The following LHPP variants were observed in gnomAD, a reference collection of about 807,000 sequenced individuals.
LHPP encodes the protein hLHPP.
Under a neutral mutation model 30.3 loss-of-function variants are expected in LHPP, and 24 were observed. The ratio of observed to expected loss-of-function variants is 0.79; its 90% CI spans 0.57 to 1.11. The LOEUF is 1.11. Among genes scored for constraint, LHPP ranks in the 50% most tolerant of loss-of-function variants. LHPP has a pLI of 0.00. For missense variants in LHPP, 356 were observed against 367.2 expected, an observed-to-expected ratio of 0.97 and a Z score of 0.25; for synonymous variants, 150 against 157.1, an observed-to-expected ratio of 0.95 and a Z score of 0.34.
At position 124,502,667 on chromosome 10, in the gene LHPP, CTTTTTT is replaced by C. The variant is rs1190430106; in HGVS notation, c.624+4558_624+4563del. ...ACAGACGTGAGCCACCACGCCCAGC[CTTTTTT>C]TTTTTTTTTTTTTTTTTTGAGCAGG... is the stretch of plus-strand genomic sequence containing the variant. On this transcript the variant is annotated intron_variant, in intron 5 of 6. Transcript: ENST00000368842. Among the ~76,000 whole-genome samples, 19 of 71,348 alleles carry C rather than the reference CTTTTTT, an allele frequency of 2.7e-4. No individual in the cohort carries two copies. The East Asian group carries it at 3.3e-3, about 12-fold the overall frequency. 46.8% of individuals were successfully genotyped at this position (71,348 alleles called of 152,430 possible). A position where few individuals can be genotyped will look rare whatever the true frequency, so the allele number is the denominator to read the frequency against.
At chr10:124,513,517 T>G (rs1474951081) in intron 5 of LHPP, among the ~76,000 whole-genome samples, 5 of 128,742 alleles carry the variant, frequency 3.9e-5, no homozygotes, top group Admixed American at 3.8e-4. Flanking sequence ...CATGCTGGAG[T>G]TCAGTGGCAC....
Position 124,469,277 on chromosome 10 carries a change from G to A in LHPP, c.125+7290G>A, listed in dbSNP as rs146995724. Among the ~76,000 whole-genome samples the A allele has an allele frequency of 7.6e-3, 1,158 of 152,206 alleles. 9 individuals carry two copies. The highest frequency in any genetic ancestry group is 0.027 in the African/African-American group (1,103 of 41,508). ...GCACCATGGGCTCCCTGGCAGCATC[G>A]TCCGTTCTCTGAGCCTGCGAGGGGC... On this transcript the variant is annotated intron_variant, in intron 1 of 6. Coordinates refer to ENST00000368842, the MANE Select transcript of LHPP (RefSeq NM_022126.4).
intron 6 of LHPP, among the ~76,000 whole-genome samples, chr10:124,603,443 C>T (rs1163382800): frequency 6.6e-6 from 1 of 152,186 alleles, no homozygotes; most frequent in Non-Finnish European, 1.5e-5. Flanking sequence ...CTTGGCACCT[C>T]CAAGGGAGGT....
At chr10:124,486,506 A>G (rs1379992880) in intron 2 of LHPP, among the ~76,000 whole-genome samples, 3 of 152,250 alleles carry the variant, frequency 2.0e-5, no homozygotes. Flanking sequence ...CGAAGAGAGG[A>G]GACACATGGG....
chr10:124,571,113 G>T (rs7092752), intron 6 of LHPP, among the ~76,000 whole-genome samples: 1 of 152,032 alleles, frequency 6.6e-6, no homozygotes, highest in Admixed American at 6.5e-5. Flanking sequence ...ACCTTCTGCC[G>T]TGACGGTGAG....
intron 5 of LHPP, among the ~76,000 whole-genome samples, chr10:124,501,498 A>T (rs537778224): frequency 6.7e-6 from 1 of 148,776 alleles, no homozygotes; most frequent in East Asian, 2.1e-4. Context: ...GCCACTCGGG[A>T]GGCTGAGGTG....
At chr10:124,529,176 C>T (rs1258408126) in intron 6 of LHPP, among the ~76,000 whole-genome samples, 1 of 151,656 alleles carries the variant, frequency 6.6e-6, no homozygotes, top group African/African-American at 2.4e-5. Flanking sequence ...GGACTACAGG[C>T]ACCCACCACT....
intron 3 of LHPP, among the ~76,000 whole-genome samples, chr10:124,492,122 T>A (rs971586204): frequency 1.3e-5 from 2 of 152,096 alleles, no homozygotes; most frequent in African/African-American, 4.8e-5. Context: ...CAGACCCCAC[T>A]CCTCCCTGTC....
At chr10:124,471,411 TTATATATTATATATATA>T (rs1952731001) in intron 1 of LHPP, among the ~76,000 whole-genome samples, 1 of 27,802 alleles carries the variant, frequency 3.6e-5, no homozygotes, top group African/African-American at 1.3e-4. Flanking sequence ...ATATATATAT[TTATATATTATATATATA>T]TTTATATATT....
intron 6 of LHPP, among the ~76,000 whole-genome samples, chr10:124,563,543 G>T (rs1017691939): frequency 6.6e-6 from 1 of 152,072 alleles, no homozygotes; most frequent in African/African-American, 2.4e-5. Context: ...GCTATAAAGA[G>T]CAGCCTGAGG....
intron 6 of LHPP, among the ~76,000 whole-genome samples, chr10:124,551,118 A>G (rs910700836): frequency 4.6e-5 from 7 of 152,098 alleles, no homozygotes; most frequent in Non-Finnish European, 7.4e-5. Context: ...CTCCACCAGC[A>G]TTAGCACCAG....
At chr10:124,505,675 G>A (rs983496911) in intron 5 of LHPP, among the ~76,000 whole-genome samples, 1 of 152,134 alleles carries the variant, frequency 6.6e-6, no homozygotes, top group Non-Finnish European at 1.5e-5. Flanking sequence ...TAATTCTCAC[G>A]GTTTAAGCTT....
chr10:124,528,403 G>C (rs2133926880), intron 6 of LHPP, among the ~76,000 whole-genome samples: 1 of 151,932 alleles, frequency 6.6e-6, no homozygotes, highest in African/African-American at 2.4e-5. Flanking sequence ...CTGTTGCCCA[G>C]GCTGGAGTGC....
At chr10:124,557,672 A>G (rs572478705) in intron 6 of LHPP, among the ~76,000 whole-genome samples, 2 of 152,292 alleles carry the variant, frequency 1.3e-5, no homozygotes, top group East Asian at 1.9e-4. Context: ...GAAGCCTCCC[A>G]TGACTTTGTG....
intron 6 of LHPP, among the ~76,000 whole-genome samples, chr10:124,565,397 G>A: frequency 6.6e-6 from 1 of 152,226 alleles, no homozygotes; most frequent in East Asian, 1.9e-4. Context: ...GCAGGCCATA[G>A]TCCCCAAGAA....
At chr10:124,554,999 G>A (rs769024804) in intron 6 of LHPP, among the ~76,000 whole-genome samples, 1 of 152,242 alleles carries the variant, frequency 6.6e-6, no homozygotes, top group African/African-American at 2.4e-5. Flanking sequence ...TTATGCGGCT[G>A]GCATTTTAGT....
chr10:124,594,828 ACCAT>A (rs1360424934), intron 6 of LHPP, among the ~76,000 whole-genome samples: 5 of 151,970 alleles, frequency 3.3e-5, no homozygotes, highest in African/African-American at 1.2e-4. Context: ...GAGGGGTTTC[ACCAT>A]GTTGGCCAGG....
rs1001907733 is a variant in LHPP at position 124,478,576 on chromosome 10, T to C, written c.126-5563T>C. Among the ~76,000 whole-genome samples, 8 of 152,212 alleles carry C rather than the reference T, an allele frequency of 5.3e-5. No homozygotes were observed. The highest frequency in any genetic ancestry group is 8.8e-5 in the Non-Finnish European group (6 of 68,038). ...CAGTTTACCTGCTGTGGAACAGTAA[T>C]GAGAGGGTTTTCATTATTTGCGGGT... On this transcript the variant is annotated intron_variant, in intron 1 of 6. Transcript: ENST00000368842. This position sits in a 1 kb window ranked among gnomAD's most constrained non-coding sequence, Gnocchi z 4.7.
chr10:124,505,073 C>T (rs948838173), intron 5 of LHPP, among the ~76,000 whole-genome samples: 5 of 152,144 alleles, frequency 3.3e-5, no homozygotes, highest in Non-Finnish European at 7.4e-5. Context: ...CCTCCCACAT[C>T]ATCATCCTCT....
Sources: allele counts gnomAD v4.1 joint callset (sites outside exome capture counted in the v4.1 genomes callset), GRCh38; gene constraint gnomAD v4.1.1; non-coding constraint Gnocchi (gnomAD v3.1); transcripts MANE v1.5; gene names NCBI Gene and HGNC (gene_info 2026-07-23, HGNC 2026-07-21).